The following PRX variants were observed in gnomAD, a reference collection of about 807,000 sequenced individuals.
The protein encoded by PRX is periaxin.
In PRX, 24 loss-of-function variants were observed where a neutral mutation model predicts 29.6. The observed-to-expected ratio is 0.81, with a 90% CI of 0.59 to 1.14. The LOEUF (loss-of-function observed/expected upper bound fraction) is 1.14. Among genes scored for constraint, PRX ranks in the 50% most tolerant of loss-of-function variants. The probability of loss-of-function intolerance (pLI) is 0.00; values close to 1 mark genes in which losing one functional copy is unlikely to be tolerated. For missense variants in PRX, 1,838 were observed against 1,926.4 expected (o/e 0.95, Z 0.86); for synonymous variants, 772 against 831.7 (o/e 0.93, Z 1.24).
intron 3 of PRX, 25 bp downstream of exon 3, chr19:40,408,133 G>C: frequency 1.5e-6 from 1 of 676,506 alleles, no homozygotes; most frequent in South Asian, 1.7e-5. Flanking sequence ...GGGGAGAAGG[G>C]CCCCCACCCC....
Position 40,395,400 on chromosome 19 carries a change from G to A in PRX, c.2952C>T (p.Gly984=), listed in dbSNP as rs772591261. Residue 984 remains glycine, a synonymous_variant, in exon 7 of 7, where the codon GGC becomes GGT. Coordinates refer to ENST00000324001, the MANE Select transcript of PRX (RefSeq NM_181882.3). ...EAEAKGAGEA[G]LLPALDLSIP... is the part of the protein sequence containing the mutation. ...TGGACAGATCGAGGGCAGGCAGCAG[G>A]CCTGCCTCCCCAGCCCCTTTGGCCT... The A allele has an allele frequency of 1.9e-6, 3 of 1,613,718 alleles. No homozygotes were observed. The South Asian group carries it at 3.3e-5, about 18-fold the overall frequency.
In PRX at chr19:40,395,432, C is replaced by T. The variant is rs971346863; in HGVS notation, c.2920G>A (p.Glu974Lys). The change falls in exon 7 of 7, where the codon GAG becomes AAG. Residue 974 changes from glutamate to lysine, a missense_variant. Coordinates refer to ENST00000324001, the MANE Select transcript of PRX (RefSeq NM_181882.3). Reference sequence around the variant, plus strand: ...TCCCCAGCCCCTTTGGCCTCAGCCTCAGCCCCCACCCGAGCCTTGGGGAGT... The same window carrying T: ...TCCCCAGCCCCTTTGGCCTCAGCCTTAGCCCCCACCCGAGCCTTGGGGAGT... ...ISLPKARVGA[E>K]AEAKGAGEAG... 1 of 1,614,072 alleles carries T rather than the reference C, an allele frequency of 6.2e-7. No individual in the cohort carries two copies. Among genetic ancestry groups the T allele is most frequent in the Admixed American group, 1.7e-5 (1 of 60,010 alleles).
chr19:40,396,530 C>A lies in PRX; in HGVS notation c.1822G>T (p.Val608Leu), dbSNP rs2079439162. Residue 608 changes from valine (V) to leucine (L), a missense_variant, in exon 7 of 7, where the codon GTG becomes TTG. By Grantham distance (32) the Val-to-Leu change is conservative (BLOSUM62 1). Transcript: ENST00000324001. ...ACATCGGGCACGGCCATCTCGGGCA[C>A]CTTCGGGAGTTGCACTTCAGGGAGT... ...MKLPEVQLPKVPEMAVPDVHL... is the reference protein window; with the variant it reads ...MKLPEVQLPKLPEMAVPDVHL... 1 of 1,614,060 alleles carries A rather than the reference C, an allele frequency of 6.2e-7. No individual in the cohort carries two copies. The highest frequency in any genetic ancestry group is 8.5e-7 in the Non-Finnish European group (1 of 1,180,044).
At chr19:40,401,071 G>A (rs2079490910) in intron 5 of PRX, among the ~76,000 whole-genome samples, 1 of 151,968 alleles carries the variant, frequency 6.6e-6, no homozygotes, top group Non-Finnish European at 1.5e-5. Flanking sequence ...TCCATCCTCA[G>A]GTCAAAAATC....
intron 4 of PRX, among the ~76,000 whole-genome samples, chr19:40,406,082 A>G (rs775563931): frequency 6.6e-6 from 1 of 151,644 alleles, no homozygotes; most frequent in African/African-American, 2.4e-5. Context: ...CTCCATCTCT[A>G]CTAAAAGTCC....
At chr19:40,410,141 G>A (rs2079551804) in intron 1 of PRX, among the ~76,000 whole-genome samples, 1 of 152,128 alleles carries the variant, frequency 6.6e-6, no homozygotes. Context: ...CCAGAAGGAG[G>A]CAAAGCTGAA....
At position 40,394,111 on chromosome 19, in the gene PRX, C is replaced by G; in HGVS notation, c.4241G>C (p.Arg1414Thr). The change falls in exon 7 of 7, where the codon AGG becomes ACG. Residue 1414 changes from arginine to threonine, a missense_variant. Coordinates refer to ENST00000324001, the MANE Select transcript of PRX (RefSeq NM_181882.3). This position sits in a 1 kb window ranked among gnomAD's most constrained non-coding sequence, Gnocchi z 5.8. ...CCGGGCCTTGGGGCTTAGGGACACC[C>G]TGGGGAAGCGGAACTTGGGTGACTT... ...REKSPKFRFP[R>T]VSLSPKARSG... 6.2e-7 allele frequency: 1 copy of G among 1,607,012 alleles called. No homozygotes were observed. The highest frequency in any genetic ancestry group is 8.5e-7 in the Non-Finnish European group (1 of 1,174,900).
chr19:40,407,760 G>A, intron 4 of PRX, 146 bp downstream of exon 4: 1 of 1,123,308 alleles, frequency 8.9e-7, no homozygotes. Context: ...TCCTCACAGT[G>A]ACCCATAAAA....
Position 40,398,419 on chromosome 19 carries a change from G to A in PRX, c.381+201C>T, listed in dbSNP as rs1568710305. The A allele has an allele frequency of 3.4e-6, 5 of 1,484,214 alleles. No homozygotes were observed. Among genetic ancestry groups the A allele is most frequent in the Non-Finnish European group, 4.4e-6 (5 of 1,124,818 alleles). 91.9% of individuals were successfully genotyped at this position (1,484,214 alleles called of 1,614,324 possible). On this transcript the variant is annotated intron_variant, in intron 6 of 6. Coordinates refer to ENST00000324001, the MANE Select transcript of PRX (RefSeq NM_181882.3). The surrounding 1 kb of genome is among the most constrained non-coding windows in gnomAD (Gnocchi z 6.3). The stretch of plus-strand genomic sequence containing the variant: ...GGGGACGCCTCTCCGAGGTGGGTGA[G>A]GGCCCTGGGCTGGGGTGGGTCTGTC...
Position 40,394,207 on chromosome 19 carries a change from C to T in PRX, c.4145G>A (p.Gly1382Asp), listed in dbSNP as rs1568701753. The change falls in exon 7 of 7, where the codon GGC becomes GAC. Residue 1382 changes from glycine to aspartate, a missense_variant. Around this residue, in one of 3 missense-constraint regions of PRX, gnomAD observed 1,143 missense variants for 1,193.0 expected, o/e 0.96. Coordinates refer to ENST00000324001, the MANE Select transcript of PRX (RefSeq NM_181882.3). The surrounding 1 kb of genome is among the most constrained non-coding windows in gnomAD (Gnocchi z 5.8). ...GRVRVRLPRV[G>D]LAAPSKASRG... The stretch of plus-strand genomic sequence containing the variant: ...AGAGGCTTTAGAAGGGGCCGCCAGG[C>T]CTACACGTGGCAAGCGGACCCGGAC... 6.3e-7 allele frequency: 1 copy of T among 1,597,546 alleles called. No individual in the cohort carries two copies. The highest frequency in any genetic ancestry group is 2.2e-5 in the East Asian group (1 of 44,534).
At chr19:40,402,680 C>G (rs1348373688) in intron 5 of PRX, among the ~76,000 whole-genome samples, 3 of 147,420 alleles carry the variant, frequency 2.0e-5, no homozygotes, top group African/African-American at 5.1e-5. Context: ...GAGGCTGAGG[C>G]AGGAGAATGG....
At chr19:40,399,388 T>G (rs2079472545) in intron 5 of PRX, among the ~76,000 whole-genome samples, 1 of 152,228 alleles carries the variant, frequency 6.6e-6, no homozygotes, top group South Asian at 2.1e-4. Context: ...CCGGAGCTCC[T>G]GCCCCATTTA....
Position 40,397,902 on chromosome 19 carries a change from G to A in PRX, c.450C>T (p.Asp150=). Residue 150 remains aspartate, a synonymous_variant, in exon 7 of 7, where the codon GAC becomes GAT. Transcript: ENST00000324001. ...AGAACTCGACGTCAACAGGGGCCAGGTCAGCGGGGACCCCCAGAGCCCCAG... is the reference window on the plus strand; with the variant it reads ...AGAACTCGACGTCAACAGGGGCCAGATCAGCGGGGACCCCCAGAGCCCCAG... ...MVPGALGVPA[D]LAPVDVEFSF... The A allele has an allele frequency of 1.2e-6, 2 of 1,612,734 alleles. No individual in the cohort carries two copies. The highest frequency in any genetic ancestry group is 1.7e-6 in the Non-Finnish European group (2 of 1,179,446).
Position 40,394,344 on chromosome 19 carries a change from C to A in PRX, c.4008G>T (p.Val1336=). Reference sequence around the variant, plus strand: ...TGACCATCTCACTTTGGCTGAAGCCCACTCGGGGCAGCCTGAGTTTGGGGC... The same window carrying A: ...TGACCATCTCACTTTGGCTGAAGCCAACTCGGGGCAGCCTGAGTTTGGGGC... ...AKSPKLRLPR[V]GFSQSEMVTG... The change falls in exon 7 of 7, where the codon GTG becomes GTT. Residue 1336 remains valine, a synonymous_variant. Coordinates refer to ENST00000324001, the MANE Select transcript of PRX (RefSeq NM_181882.3). This position sits in a 1 kb window ranked among gnomAD's most constrained non-coding sequence, Gnocchi z 5.8. 1 of 1,606,374 alleles carries A rather than the reference C, an allele frequency of 6.2e-7. No homozygotes were observed. Among genetic ancestry groups the A allele is most frequent in the Non-Finnish European group, 8.5e-7 (1 of 1,176,274 alleles).
chr19:40,399,835 C>T (rs1262212578), intron 5 of PRX, among the ~76,000 whole-genome samples: 2 of 141,534 alleles, frequency 1.4e-5, no homozygotes, highest in African/African-American at 5.0e-5. Context: ...TGAGCCACTA[C>T]ACCCAGCTTT....
chr19:40,406,653 A>G (rs927569491), intron 4 of PRX, among the ~76,000 whole-genome samples: 2 of 152,012 alleles, frequency 1.3e-5, no homozygotes, highest in African/African-American at 4.8e-5. Flanking sequence ...GTCAATGCCA[A>G]TCCACCATCT....
chr19:40,409,186 A>C (rs984327280), intron 1 of PRX, among the ~76,000 whole-genome samples: 12 of 151,770 alleles, frequency 7.9e-5, no homozygotes, highest in African/African-American at 2.9e-4. Context: ...ATTTGTAGAG[A>C]TGGAGTCTCC....
rs371520525 is a variant in PRX at position 40,407,901 on chromosome 19, C to G, written c.27+5G>C. 3.7e-6 allele frequency: 6 copies of G among 1,613,488 alleles called. No homozygotes were observed. Among genetic ancestry groups the G allele is most frequent in the Non-Finnish European group, 5.1e-6 (6 of 1,180,046 alleles). On this transcript the variant is annotated splice_donor_5th_base_variant and intron_variant, in intron 4 of 6. Coordinates refer to ENST00000324001, the MANE Select transcript of PRX (RefSeq NM_181882.3). ...GTGCGCCTTGCAGGACACGTGGGCA[C>G]TCACCTCGGCACTCCGGCTCCTGGC...
At position 40,402,778 on chromosome 19, in the gene PRX, A is replaced by AAAACAAAC. The variant is rs2079505164; in HGVS notation, c.184+927_184+928insGTTTGTTT. On this transcript the variant is annotated intron_variant, in intron 5 of 6. Transcript: ENST00000324001. Reference sequence around the variant, plus strand: ...CAACAGAGCGAGACTCCGTCTCAAAAAAAAAAAAAAATCTCTCCCCACTGG... The same window carrying AAAACAAAC: ...CAACAGAGCGAGACTCCGTCTCAAAAAAACAAACAAAAAAAAAAATCTCTCCCCACTGG... Among the ~76,000 whole-genome samples, 4 of 151,390 alleles carry AAAACAAAC rather than the reference A, an allele frequency of 2.6e-5. No individual in the cohort carries two copies. In the South Asian group the frequency reaches 6.3e-4, roughly 24 times the overall value.
Sources: allele counts gnomAD v4.1 joint callset (sites outside exome capture counted in the v4.1 genomes callset), GRCh38; gene constraint gnomAD v4.1.1; regional missense constraint gnomAD v4.1.1; non-coding constraint Gnocchi (gnomAD v3.1); transcripts MANE v1.5; gene names NCBI Gene and HGNC (gene_info 2026-07-23, HGNC 2026-07-21).